Variants in ABCB1 observed in about 807,000 individuals in gnomAD.
ABCB1 encodes the protein ATP-dependent translocase ABCB1.
ABCB1 carries 69 observed loss-of-function variants against 142.0 expected under a neutral mutation model. The observed-to-expected ratio is 0.49, with a 90% confidence interval of 0.40 to 0.59. ABCB1 has a LOEUF of 0.59. ABCB1 is among the 20% of genes least tolerant of loss of function. The pLI, the probability that ABCB1 is intolerant of heterozygous loss-of-function variation, is 0.00. For synonymous variants in ABCB1, 532 were observed against 539.2 expected, an observed-to-expected ratio of 0.99 and a Z score of 0.18; for missense variants, 1,326 against 1,554.7, an observed-to-expected ratio of 0.85 and a Z score of 2.47.
At chr7:87,533,128 A>G (rs976928675) in intron 20 of ABCB1, among the ~76,000 whole-genome samples, 1 of 152,152 alleles carries the variant, frequency 6.6e-6, no homozygotes, top group African/African-American at 2.4e-5. Context: ...GGGATAAATC[A>G]GACTGGAATG....
At chr7:87,602,150 C>A (rs1216638183), upstream of ABCB1, among the ~76,000 whole-genome samples, 6 of 152,090 alleles carry the variant, frequency 3.9e-5, no homozygotes, top group East Asian at 5.8e-4. Flanking sequence ...CCCGCCACCA[C>A]GCCCGGCTAA....
chr7:87,659,295 G>A (rs1462605770), intron 1 of ABCB1: 1 of 360,166 alleles, frequency 2.8e-6, no homozygotes, highest in African/African-American at 2.2e-5. Flanking sequence ...TGGTTTCTCT[G>A]TTTTCTTTTT....
chr7:87,513,771 T>C (rs1190477041), intron 25 of ABCB1, among the ~76,000 whole-genome samples: 2 of 152,190 alleles, frequency 1.3e-5, no homozygotes, highest in Non-Finnish European at 2.9e-5. Context: ...CAAAACTATA[T>C]GCCCCATCTC....
chr7:87,704,492 A>G (rs1267326341), intron 1 of ABCB1, among the ~76,000 whole-genome samples: 1 of 152,246 alleles, frequency 6.6e-6, no homozygotes, highest in African/African-American at 2.4e-5. Flanking sequence ...AAGTTAACAA[A>G]GTTTAGAAAT....
chr7:87,515,553 A>C, intron 24 of ABCB1, 125 bp from the exon 25 acceptor site: 3 of 650,792 alleles, frequency 4.6e-6, no homozygotes, highest in Non-Finnish European at 7.8e-6. Flanking sequence ...CTTCACTTCA[A>C]ACTGCTAGAA....
At chr7:87,645,729 C>T (rs1822938551) in intron 1 of ABCB1, among the ~76,000 whole-genome samples, 1 of 152,114 alleles carries the variant, frequency 6.6e-6, no homozygotes, top group African/African-American at 2.4e-5. Flanking sequence ...TTTTATAGCA[C>T]ATCTTAGTTA....
intron 1 of ABCB1, chr7:87,700,410 G>T (rs1238435624): frequency 5.1e-6 from 8 of 1,572,008 alleles, no homozygotes; most frequent in Non-Finnish European, 6.9e-6. Context: ...ATCGCAATTT[G>T]TCTCCTGAAG....
intron 8 of ABCB1, among the ~76,000 whole-genome samples, chr7:87,560,987 A>G (rs559852368): frequency 2.6e-5 from 4 of 152,234 alleles, no homozygotes; most frequent in Non-Finnish European, 5.9e-5. Context: ...AACTTGATAG[A>G]GGAAAAAAAT....
At chr7:87,559,852 TG>T (rs1307742460) in intron 8 of ABCB1, among the ~76,000 whole-genome samples, 2 of 152,186 alleles carry the variant, frequency 1.3e-5, no homozygotes, top group Non-Finnish European at 2.9e-5. Context: ...TGTTAAGTTT[TG>T]TCTGTCTTCC....
intron 1 of ABCB1, among the ~76,000 whole-genome samples, chr7:87,703,635 TTTC>T (rs1291001788): frequency 2.6e-5 from 4 of 152,080 alleles, no homozygotes; most frequent in African/African-American, 9.7e-5. Flanking sequence ...AGCCAGTAAA[TTTC>T]TTCATTTGTA....
chr7:87,652,620 TG>T (rs1172151263), intron 1 of ABCB1, among the ~76,000 whole-genome samples: 37 of 104,134 alleles, frequency 3.6e-4, no homozygotes, highest in Non-Finnish European at 4.9e-4. Flanking sequence ...TTGTGGTCAC[TG>T]ATATATATAT....
chr7:87,606,134 A>G (rs181950026), intron 1 of ABCB1, among the ~76,000 whole-genome samples: 1 of 152,218 alleles, frequency 6.6e-6, no homozygotes, highest in East Asian at 1.9e-4. Flanking sequence ...ATAAGAAAAA[A>G]TTCAAAGGTC....
At chr7:87,647,774 C>T (rs954568692) in intron 1 of ABCB1, among the ~76,000 whole-genome samples, 1 of 152,172 alleles carries the variant, frequency 6.6e-6, no homozygotes, top group Non-Finnish European at 1.5e-5. Context: ...CATGATCAGA[C>T]ACCAATAATA....
At chr7:87,634,277 G>A (rs1821519025) in intron 1 of ABCB1, among the ~76,000 whole-genome samples, 1 of 152,092 alleles carries the variant, frequency 6.6e-6, no homozygotes, top group Non-Finnish European at 1.5e-5. Context: ...CATGTCATTT[G>A]ATGGGGGCAG....
chr7:87,512,454 C>A (rs1815057315), intron 25 of ABCB1, among the ~76,000 whole-genome samples: 1 of 152,144 alleles, frequency 6.6e-6, no homozygotes, highest in Non-Finnish European at 1.5e-5. Context: ...TTTTTACTAG[C>A]TCTTGAGGCC....
chr7:87,624,643 AT>A (rs897431136), intron 1 of ABCB1, among the ~76,000 whole-genome samples: 4 of 152,208 alleles, frequency 2.6e-5, no homozygotes, highest in African/African-American at 9.7e-5. Flanking sequence ...ATAAATAAAA[AT>A]AATTGAAATA....
chr7:87,534,486 A>G (rs1372004428), intron 20 of ABCB1, among the ~76,000 whole-genome samples: 2 of 152,228 alleles, frequency 1.3e-5, no homozygotes, highest in East Asian at 1.9e-4. Flanking sequence ...TACTAAAGTT[A>G]GCAGTGCAAA....
intron 1 of ABCB1, among the ~76,000 whole-genome samples, chr7:87,614,640 A>T (rs1208344164): frequency 6.6e-6 from 1 of 152,238 alleles, no homozygotes; most frequent in Non-Finnish European, 1.5e-5. Flanking sequence ...TCTAAAATAA[A>T]GCAAACTGAG....
At chr7:87,632,969 G>A (rs1338171711) in intron 1 of ABCB1, among the ~76,000 whole-genome samples, 1 of 152,164 alleles carries the variant, frequency 6.6e-6, no homozygotes, top group Non-Finnish European at 1.5e-5. Flanking sequence ...AATATAAGGA[G>A]TAGTGTGATA....
Sources: gnomAD v4.1 joint callset for allele counts (sites outside exome capture counted in the v4.1 genomes callset) on GRCh38, gnomAD v4.1.1 for gene constraint, MANE v1.5 for transcripts, NCBI Gene and HGNC (gene_info 2026-07-23, HGNC 2026-07-21) for gene names.